The following BLNK variants were observed in gnomAD, a reference collection of about 807,000 sequenced individuals.
BLNK encodes the protein B cell linker, also known as B-cell linker protein.
In BLNK, 29 loss-of-function variants were observed where a neutral mutation model predicts 73.5. The observed-to-expected ratio is 0.39, with a 90% CI of 0.29 to 0.54. The LOEUF (loss-of-function observed/expected upper bound fraction) is 0.54. BLNK is among the 20% of genes least tolerant of loss of function. BLNK has a pLI of 0.61. For synonymous variants in BLNK, 176 were observed against 200.8 expected (o/e 0.88, Z 1.04); for missense variants, 460 against 562.8 (o/e 0.82, Z 1.85).
chr10:96,255,600 T>A (rs1366570944), intron 1 of BLNK, among the ~76,000 whole-genome samples: 1 of 152,038 alleles, frequency 6.6e-6, no homozygotes. Flanking sequence ...GTGTCTCAGG[T>A]GAAAGTGACT....
At chr10:96,208,331 A>T (rs587623345) in intron 9 of BLNK, among the ~76,000 whole-genome samples, 6 of 152,194 alleles carry the variant, frequency 3.9e-5, no homozygotes, top group African/African-American at 1.4e-4. Flanking sequence ...CAGAGGGTAG[A>T]GGTAAGAGGG....
At chr10:96,223,433 C>T (rs1021969061) in intron 6 of BLNK, among the ~76,000 whole-genome samples, 2 of 152,116 alleles carry the variant, frequency 1.3e-5, no homozygotes, top group African/African-American at 2.4e-5. Flanking sequence ...TTCTGCCTTA[C>T]GCCCAGGAGG....
In BLNK at chr10:96,204,066, G is replaced by A; in HGVS notation, c.925C>T (p.Pro309Ser). 6.2e-7 allele frequency: 1 copy of A among 1,613,652 alleles called. No individual in the cohort carries two copies. The highest frequency in any genetic ancestry group is 8.5e-7 in the Non-Finnish European group (1 of 1,179,598). The change falls in exon 13 of 17, where the codon CCT becomes TCT. Residue 309 changes from proline (P) to serine (S), a missense_variant. Physicochemically the swap from Pro to Ser is moderately conservative, Grantham distance 74. This residue lies in a region of BLNK where 233 missense variants were observed against 232.1 expected (regional missense o/e 1.00). Transcript: ENST00000224337. Reference sequence around the variant, plus strand: ...GCTTCGTTGTACTTACTTGGCAGAGGTATGGGTTTTTGGTGGATTTGTCTG... The same window carrying A: ...GCTTCGTTGTACTTACTTGGCAGAGATATGGGTTTTTGGTGGATTTGTCTG... ...AQKQIHQKPI[P>S]LPRFTEGGNP...
chr10:96,239,654 A>AT (rs1313921848), intron 3 of BLNK, among the ~76,000 whole-genome samples: 11 of 152,220 alleles, frequency 7.2e-5, no homozygotes, highest in Admixed American at 7.2e-4. Context: ...TTTAAGAGGC[A>AT]TTTAAGAGCA....
At chr10:96,245,472 G>T (rs1391865347) in intron 2 of BLNK, among the ~76,000 whole-genome samples, 2 of 152,118 alleles carry the variant, frequency 1.3e-5, no homozygotes, top group African/African-American at 4.8e-5. Context: ...TAAATTGGAA[G>T]AAACAACCAG....
chr10:96,216,797 G>A, intron 6 of BLNK, 63 bp from the exon 7 acceptor site: 1 of 1,389,130 alleles, frequency 7.2e-7, no homozygotes, highest in African/African-American at 1.4e-5. Flanking sequence ...TGTATGGGAG[G>A]GAGTGATTTT....
At chr10:96,264,877 C>G (rs1021920828) in intron 1 of BLNK, among the ~76,000 whole-genome samples, 6 of 152,184 alleles carry the variant, frequency 3.9e-5, no homozygotes, top group Non-Finnish European at 7.3e-5. Flanking sequence ...CCACCAGCTG[C>G]TTTGTCTTTT....
intron 7 of BLNK, chr10:96,216,435 G>C (rs1271777268): frequency 1.7e-6 from 1 of 588,710 alleles, no homozygotes; most frequent in Admixed American, 2.9e-5. Context: ...TTAAAGCATG[G>C]AAGAGGAAGG....
At chr10:96,250,764 T>G (rs760636728) in intron 1 of BLNK, among the ~76,000 whole-genome samples, 1 of 152,258 alleles carries the variant, frequency 6.6e-6, no homozygotes, top group African/African-American at 2.4e-5. Context: ...TTGCTCAATT[T>G]GGCATTTGGT....
chr10:96,197,280 C>T (rs1299240521), intron 15 of BLNK, among the ~76,000 whole-genome samples: 2 of 152,028 alleles, frequency 1.3e-5, no homozygotes, highest in Non-Finnish European at 2.9e-5. Flanking sequence ...GAGATCAATG[C>T]TTGCCTTTTT....
intron 5 of BLNK, 41 bp from the exon 6 acceptor site, chr10:96,224,030 CTGGATCATTTCCTGGG>C: frequency 6.2e-7 from 1 of 1,610,390 alleles, no homozygotes; most frequent in Non-Finnish European, 8.5e-7. Context: ...AAAAGAGGCT[CTGGATCATTTCCTGGG>C]TGGAAGCCAT....
chr10:96,245,498 A>G (rs1843010475), intron 2 of BLNK, among the ~76,000 whole-genome samples: 1 of 152,184 alleles, frequency 6.6e-6, no homozygotes, highest in South Asian at 2.1e-4. Flanking sequence ...TTTGATTGCT[A>G]TTATCAAATT....
chr10:96,210,382 C>T (rs868911431), intron 8 of BLNK: 1 of 189,782 alleles, frequency 5.3e-6, no homozygotes, highest in South Asian at 1.2e-4. Flanking sequence ...CCTTTATAAG[C>T]ACACTTAAAT....
rs1243739299 is a variant in BLNK, at chr10:96,189,650, A to G, written c.*2323T>C. 13 of 714,734 alleles carry G rather than the reference A, an allele frequency of 1.8e-5. No individual in the cohort carries two copies. Among genetic ancestry groups the G allele is most frequent in the Non-Finnish European group, 3.4e-5 (13 of 385,436 alleles). The allele number at this position is 714,734 out of a possible 1,614,324, so 44.3% of individuals were successfully genotyped here. A position where few individuals can be genotyped will look rare whatever the true frequency, so the allele number is the denominator to read the frequency against. On this transcript the variant is annotated 3_prime_UTR_variant, in exon 17 of 17. Coordinates refer to ENST00000224337, the MANE Select transcript of BLNK (RefSeq NM_013314.4). ...ACTTTTGTGCATTTTTGGCTGGAGTATGTAGATTTCTTCAATGGTGCTTTT... is the reference window on the plus strand; with the variant it reads ...ACTTTTGTGCATTTTTGGCTGGAGTGTGTAGATTTCTTCAATGGTGCTTTT...
rs149043414 is a variant in BLNK, at chr10:96,191,434, C to CAT, written c.*537_*538dup. Among the ~76,000 whole-genome samples, 251 of 150,446 alleles carry CAT rather than the reference C, an allele frequency of 1.7e-3. 2 individuals are homozygous for CAT. The highest frequency in any genetic ancestry group is 2.6e-3 in the Non-Finnish European group (178 of 67,494). On this transcript the variant is annotated 3_prime_UTR_variant, in exon 17 of 17. Coordinates refer to ENST00000224337, the MANE Select transcript of BLNK (RefSeq NM_013314.4). ...CAAGAACTTATAGAAAGTTCATATC[C>CAT]ATATATATATATATCCCATGGTTGA...
chr10:96,199,588 A>C, intron 15 of BLNK: 1 of 451,934 alleles, frequency 2.2e-6, no homozygotes. Context: ...GAAAGAGAGG[A>C]GGGGATAGCA....
intron 9 of BLNK, among the ~76,000 whole-genome samples, chr10:96,209,391 TATTTATTC>T (rs2083896331): frequency 7.6e-6 from 1 of 130,984 alleles, no homozygotes; most frequent in African/African-American, 2.8e-5. Context: ...TTTATTTATT[TATTTATTC>T]ATTTATTTAT....
At chr10:96,226,332 G>A (rs1842257562) in intron 5 of BLNK, among the ~76,000 whole-genome samples, 1 of 152,210 alleles carries the variant, frequency 6.6e-6, no homozygotes, top group Non-Finnish European at 1.5e-5. Flanking sequence ...TGGCAACCCA[G>A]TAAGCCCAGC....
At chr10:96,240,523 G>C (rs1173109223) in intron 3 of BLNK, among the ~76,000 whole-genome samples, 1 of 152,168 alleles carries the variant, frequency 6.6e-6, no homozygotes, top group African/African-American at 2.4e-5. Context: ...GCCTCCCAAA[G>C]TGCTGGGATA....
Sources: allele counts gnomAD v4.1 joint callset (sites outside exome capture counted in the v4.1 genomes callset), GRCh38; gene constraint gnomAD v4.1.1; regional missense constraint gnomAD v4.1.1; transcripts MANE v1.5; gene names NCBI Gene and HGNC (gene_info 2026-07-23, HGNC 2026-07-21).